C1orf141: variants seen among roughly 807,000 people sequenced by gnomAD.
The protein encoded by C1orf141 is uncharacterized protein C1orf141.
A neutral mutation model predicts 23.2 loss-of-function variants in C1orf141; 19 were observed. The ratio of observed to expected loss-of-function variants is 0.82; its 90% CI spans 0.57 to 1.20. The LOEUF (loss-of-function observed/expected upper bound fraction) is 1.20, where lower values mean the gene tolerates loss of function less well. Among genes scored for constraint, C1orf141 ranks in the 50% most tolerant of loss-of-function variants. The pLI, the probability that C1orf141 is intolerant of heterozygous loss-of-function variation, is 0.00. For synonymous variants in C1orf141, 153 were observed against 154.6 expected (o/e 0.99, Z 0.08); for missense variants, 469 against 455.1 (o/e 1.03, Z -0.28).
At chr1:67,125,657 C>T in intron 4 of C1orf141, 95 bp downstream of exon 4, 3 of 1,194,764 alleles carry the variant, frequency 2.5e-6, no homozygotes, top group Non-Finnish European at 3.7e-6. Context: ...CATGTTTGCA[C>T]CACTGCACTC....
Position 67,125,738 on chromosome 1 carries a change from G to A in C1orf141, c.233+14C>T. On this transcript the variant is annotated intron_variant, in intron 4 of 7. Transcript: ENST00000684719. The stretch of plus-strand genomic sequence containing the variant: ...AATTCTGAACTGAAAATTTAAGGTG[G>A]TTATGATAGTTACATTTTTGATTTT... The A allele has an allele frequency of 1.2e-6, 2 of 1,610,208 alleles. No homozygotes were observed. The highest frequency in any genetic ancestry group is 1.7e-6 in the Non-Finnish European group (2 of 1,176,576).
Position 67,131,144 on chromosome 1 carries a change from G to A in C1orf141, c.-20C>T, listed in dbSNP as rs535008073. The A allele has an allele frequency of 1.3e-5, 2 of 152,404 alleles. No individual in the cohort carries two copies. The highest frequency in any genetic ancestry group is 4.1e-4 in the South Asian group (2 of 4,822). 9.4% of individuals were successfully genotyped at this position (152,404 alleles called of 1,614,324 possible). On this transcript the variant is annotated splice_region_variant and 5_prime_UTR_variant, in exon 2 of 8. Transcript: ENST00000684719. ...GGGCTGGGCGCAGTGGCTCATACCTGTAATCCCAGCACTTTGGGAGGCTGA... is the reference window on the plus strand; with the variant it reads ...GGGCTGGGCGCAGTGGCTCATACCTATAATCCCAGCACTTTGGGAGGCTGA...
chr1:67,128,469 C>T (rs982386763), intron 2 of C1orf141, among the ~76,000 whole-genome samples: 10 of 151,740 alleles, frequency 6.6e-5, no homozygotes, highest in African/African-American at 1.9e-4. Flanking sequence ...TTTGGGAGGC[C>T]GAGGCGGGCA....
chr1:67,107,986 G>A (rs956537940), intron 5 of C1orf141, among the ~76,000 whole-genome samples: 2 of 152,168 alleles, frequency 1.3e-5, no homozygotes, highest in African/African-American at 4.8e-5. Flanking sequence ...ATATCCTAAA[G>A]TAAGGTGGTT....
chr1:67,129,390 AG>A (rs1646477978), intron 2 of C1orf141, among the ~76,000 whole-genome samples: 1 of 152,096 alleles, frequency 6.6e-6, no homozygotes, highest in Non-Finnish European at 1.5e-5. Context: ...ATTTGAGTCC[AG>A]GAGTTTGAGG....
At chr1:67,126,001 TAC>T (rs147605412) in intron 3 of C1orf141, 92 bp from the exon 4 acceptor site, 9,275 of 1,099,078 alleles carry the variant, frequency 8.4e-3, no homozygotes, top group East Asian at 0.01. Context: ...AATCTCACTT[TAC>T]ACACACACAC....
chr1:67,127,865 C>A (rs1646446118), intron 2 of C1orf141, among the ~76,000 whole-genome samples: 2 of 152,220 alleles, frequency 1.3e-5, no homozygotes, highest in South Asian at 4.2e-4. Context: ...AAACTCCTGA[C>A]CTCAAGTGAT....
chr1:67,096,015 A>C (rs79482489), intron 6 of C1orf141: 5 of 304,836 alleles, frequency 1.6e-5, no homozygotes, highest in Non-Finnish European at 3.1e-5. Context: ...GTGTGTATTT[A>C]CTAAAAAAAA....
chr1:67,107,788 G>A (rs1326259237), intron 5 of C1orf141, among the ~76,000 whole-genome samples: 2 of 152,294 alleles, frequency 1.3e-5, no homozygotes, highest in African/African-American at 4.8e-5. Context: ...TACTCGGCAG[G>A]CTGAGGCAGG....
chr1:67,103,558 A>G (rs553307081), intron 5 of C1orf141, among the ~76,000 whole-genome samples: 2 of 152,234 alleles, frequency 1.3e-5, no homozygotes, highest in East Asian at 1.9e-4. Flanking sequence ...AAAACCTACT[A>G]TGAGATGGGC....
chr1:67,139,157 A>G (rs1419655246), upstream of C1orf141: 1 of 152,204 alleles, frequency 6.6e-6, no homozygotes, highest in Admixed American at 6.5e-5. Flanking sequence ...AGCTAACATG[A>G]TCCAGTAAGT....
chr1:67,100,843 C>A (rs763164538), intron 5 of C1orf141, among the ~76,000 whole-genome samples: 6 of 152,148 alleles, frequency 3.9e-5, no homozygotes, highest in Non-Finnish European at 8.8e-5. Flanking sequence ...ATTATGAGTT[C>A]AGGCACTTAG....
At chr1:67,111,410 CCATA>C (rs1412392769) in intron 5 of C1orf141, among the ~76,000 whole-genome samples, 1 of 152,074 alleles carries the variant, frequency 6.6e-6, no homozygotes, top group East Asian at 1.9e-4. Flanking sequence ...TCTACTGTCT[CCATA>C]CATAAAGTTT....
intron 5 of C1orf141, among the ~76,000 whole-genome samples, chr1:67,112,033 A>C (rs1298032366): frequency 6.6e-6 from 1 of 152,210 alleles, no homozygotes; most frequent in Non-Finnish European, 1.5e-5. Context: ...TAGTAATCTG[A>C]ATTATCATCC....
At chr1:67,116,214 T>C (rs1162389141) in intron 4 of C1orf141, among the ~76,000 whole-genome samples, 1 of 152,216 alleles carries the variant, frequency 6.6e-6, no homozygotes, top group Non-Finnish European at 1.5e-5. Context: ...ATCCCCTTCC[T>C]GATCTTCTCC....
intron 5 of C1orf141, chr1:67,102,872 T>C (rs1445734020): frequency 6.5e-6 from 1 of 154,418 alleles, no homozygotes; most frequent in Non-Finnish European, 1.4e-5. Flanking sequence ...TTTTAGATAA[T>C]AAATATCTTT....
chr1:67,111,707 C>T, intron 5 of C1orf141: 1 of 681,582 alleles, frequency 1.5e-6, no homozygotes, highest in Non-Finnish European at 2.3e-6. Flanking sequence ...CCCAATCAAC[C>T]ATTTTCTCCA....
chr1:67,116,118 T>C (rs1166134580), intron 4 of C1orf141, among the ~76,000 whole-genome samples: 1 of 152,182 alleles, frequency 6.6e-6, no homozygotes, highest in African/African-American at 2.4e-5. Context: ...GATTTATATA[T>C]CCAACTGCCC....
intron 5 of C1orf141, among the ~76,000 whole-genome samples, chr1:67,112,796 A>G (rs975528163): frequency 6.6e-6 from 1 of 152,182 alleles, no homozygotes; most frequent in Non-Finnish European, 1.5e-5. Context: ...GGAGAACCAT[A>G]AAAGAGGTAT....
Sources: allele counts gnomAD v4.1 joint callset (sites outside exome capture counted in the v4.1 genomes callset), GRCh38; gene constraint gnomAD v4.1.1; transcripts MANE v1.5; gene names NCBI Gene and HGNC (gene_info 2026-07-23, HGNC 2026-07-21).